Variants in TRAK1 observed in about 807,000 individuals in gnomAD.
TRAK1 encodes the protein trafficking kinesin protein 1, also known as trafficking kinesin-binding protein 1.
A neutral mutation model predicts 92.1 loss-of-function variants in TRAK1; 33 were observed. The ratio of observed to expected loss-of-function variants is 0.36; its 90% CI spans 0.27 to 0.48. The LOEUF (loss-of-function observed/expected upper bound fraction) is 0.48, where lower values mean the gene tolerates loss of function less well. Ranked by LOEUF, TRAK1 falls within the 20% of genes least tolerant of loss-of-function variation. TRAK1 has a pLI of 0.99. For missense variants in TRAK1, 1,123 were observed against 1,257.9 expected (o/e 0.89, Z 1.62); for synonymous variants, 521 against 517.3 (o/e 1.01, Z -0.10).
intron 2 of TRAK1, among the ~76,000 whole-genome samples, chr3:42,152,184 C>T (rs1346951752): frequency 7.9e-5 from 12 of 152,160 alleles, no homozygotes. Flanking sequence ...CTATTCAGCA[C>T]CCATCTCTGC....
At chr3:42,163,306 C>T (rs570748308) in intron 2 of TRAK1, among the ~76,000 whole-genome samples, 1 of 152,216 alleles carries the variant, frequency 6.6e-6, no homozygotes, top group Non-Finnish European at 1.5e-5. Flanking sequence ...CATGGTGGCT[C>T]ACACCTGTAA....
chr3:42,193,750 T>A, intron 8 of TRAK1, 74 bp from the exon 9 acceptor site: 1 of 1,431,896 alleles, frequency 7.0e-7, no homozygotes, highest in South Asian at 1.1e-5. Context: ...CATTACAGAT[T>A]AGGTTAATAA....
chr3:42,195,489 C>T (rs997104050), intron 10 of TRAK1, among the ~76,000 whole-genome samples: 11 of 152,166 alleles, frequency 7.2e-5, no homozygotes, highest in African/African-American at 2.7e-4. Context: ...GAGATAGGAG[C>T]GGATGGCTGC....
At chr3:42,167,987 A>G (rs1702081189) in intron 2 of TRAK1, among the ~76,000 whole-genome samples, 1 of 152,260 alleles carries the variant, frequency 6.6e-6, no homozygotes, top group Admixed American at 6.5e-5. Flanking sequence ...GAGGGTCAAC[A>G]GGCAAGTGAG....
At chr3:42,079,913 A>G (rs1313440204) in intron 1 of TRAK1, among the ~76,000 whole-genome samples, 1 of 152,112 alleles carries the variant, frequency 6.6e-6, no homozygotes, top group Admixed American at 6.5e-5. Context: ...TAGTTTCACA[A>G]TCATTGCACC....
intron 1 of TRAK1, among the ~76,000 whole-genome samples, chr3:42,048,948 A>C (rs1702870245): frequency 6.6e-6 from 1 of 152,124 alleles, no homozygotes; most frequent in African/African-American, 2.4e-5. Flanking sequence ...TCTGTTCCCC[A>C]CTATGTTGAG....
rs746412181 is a variant in TRAK1 at position 42,091,419 on chromosome 3, C to T, written c.-51C>T. On this transcript the variant is annotated 5_prime_UTR_variant, in exon 1 of 16. Coordinates refer to ENST00000327628, the MANE Select transcript of TRAK1 (RefSeq NM_001042646.3). ...CGAGGTACTGCCGGGGCTGAGCTCTCATGGAGGCTCTCTCTGTTCTCTGAA... is the reference window on the plus strand; with the variant it reads ...CGAGGTACTGCCGGGGCTGAGCTCTTATGGAGGCTCTCTCTGTTCTCTGAA... 1.3e-6 allele frequency: 2 copies of T among 1,567,412 alleles called. No homozygotes were observed. Among genetic ancestry groups the T allele is most frequent in the Admixed American group, 3.5e-5 (2 of 57,882 alleles).
intron 1 of TRAK1, among the ~76,000 whole-genome samples, chr3:42,066,446 C>T (rs1038067859): frequency 2.0e-5 from 3 of 150,134 alleles, no homozygotes; most frequent in Non-Finnish European, 4.5e-5. Context: ...AGAGAGAGAG[C>T]ACCCAGCGTG....
intron 2 of TRAK1, among the ~76,000 whole-genome samples, chr3:42,157,470 A>AAAAAAAAAAG (rs1700685569): frequency 7.2e-6 from 1 of 139,124 alleles, no homozygotes; most frequent in Non-Finnish European, 1.6e-5. Context: ...AAAAAAAAAA[A>AAAAAAAAAAG]AAAAAAAAAA....
chr3:42,204,796 G>T (rs943754751), intron 13 of TRAK1, among the ~76,000 whole-genome samples: 1 of 152,108 alleles, frequency 6.6e-6, no homozygotes, highest in Middle Eastern at 3.4e-3. Context: ...TGCCTAGGCC[G>T]GTCTTGAACC....
Position 42,223,649 on chromosome 3 carries a change from G to A in TRAK1, c.2774G>A (p.Gly925Glu). 5 of 1,614,134 alleles carry A rather than the reference G, an allele frequency of 3.1e-6. No homozygotes were observed. Among genetic ancestry groups the A allele is most frequent in the Non-Finnish European group, 4.2e-6 (5 of 1,180,024 alleles). The change falls in exon 16 of 16, where the codon GGA (glycine) becomes GAA (glutamate). Residue 925 changes from glycine to glutamate, a missense_variant. By Grantham distance (98) the Gly-to-Glu change is moderately conservative (BLOSUM62 -2). Transcript: ENST00000327628. The surrounding 1 kb of genome is among the most constrained non-coding windows in gnomAD (Gnocchi z 6.1). Reference sequence around the variant, plus strand: ...AATCGCAGCTTCCCCACCATGGTGGGATCTAGCATGCAGATGAAAGCTCCT... The same window carrying A: ...AATCGCAGCTTCCCCACCATGGTGGAATCTAGCATGCAGATGAAAGCTCCT... ...RRNRSFPTMV[G>E]SSMQMKAPVT...
Position 42,199,234 on chromosome 3 carries a change from G to A in TRAK1, c.1171G>A (p.Ala391Thr), listed in dbSNP as rs752108245. 20 of 1,613,916 alleles carry A rather than the reference G, an allele frequency of 1.2e-5. 1 individual carries two copies. In the South Asian group the frequency reaches 2.0e-4, roughly 16 times the overall value. ...TMRKELQLEE[A>T]ESPDITHQKR... Reference sequence around the variant, plus strand: ...GCGCAAGGAGCTGCAGTTGGAAGAGGCCGAGTCTCCAGACATCACGTACGG... The same window carrying A: ...GCGCAAGGAGCTGCAGTTGGAAGAGACCGAGTCTCCAGACATCACGTACGG... The change falls in exon 11 of 16, where the codon GCC (alanine) becomes ACC (threonine). Residue 391 changes from alanine (A) to threonine (T), a missense_variant. Transcript: ENST00000327628.
chr3:42,161,993 C>T (rs1035630257), intron 2 of TRAK1, among the ~76,000 whole-genome samples: 2 of 152,164 alleles, frequency 1.3e-5, no homozygotes, highest in East Asian at 1.9e-4. Context: ...GCCCTCATCA[C>T]CTGTGAGCTT....
chr3:42,042,306 G>T (rs369606102), intron 1 of TRAK1, among the ~76,000 whole-genome samples: 1 of 146,280 alleles, frequency 6.8e-6, no homozygotes, highest in East Asian at 2.0e-4. Context: ...TATTGAGATG[G>T]TCATATATGT....
chr3:42,173,650 C>T (rs900579125), intron 2 of TRAK1, among the ~76,000 whole-genome samples: 2 of 152,122 alleles, frequency 1.3e-5, no homozygotes, highest in African/African-American at 2.4e-5. Context: ...TATGGTCTTC[C>T]GTTTTAGTAC....
chr3:42,067,858 A>C (rs916419237), intron 1 of TRAK1, among the ~76,000 whole-genome samples: 1 of 152,064 alleles, frequency 6.6e-6, no homozygotes, highest in Non-Finnish European at 1.5e-5. Flanking sequence ...TTTTCAAAAA[A>C]TGTATTTATT....
chr3:42,157,153 A>G (rs979420594), intron 2 of TRAK1, among the ~76,000 whole-genome samples: 25 of 140,878 alleles, frequency 1.8e-4, no homozygotes, highest in African/African-American at 6.2e-4. Flanking sequence ...CTCTGTCTGG[A>G]AAAAAAAAAA....
intron 1 of TRAK1, among the ~76,000 whole-genome samples, chr3:42,064,160 C>T (rs1703573016): frequency 6.6e-6 from 1 of 152,100 alleles, no homozygotes; most frequent in South Asian, 2.1e-4. Flanking sequence ...TGATACATCA[C>T]AAAAATGCGA....
rs181614193 is a variant in TRAK1, at chr3:42,025,284, G to C, written c.-519+11167G>C. Reference sequence around the variant, plus strand: ...ACCTCAGACCCTGGCAACGAGGCACGCTGGGGCACGCTGGCCTTTCGTTGT... The same window carrying C: ...ACCTCAGACCCTGGCAACGAGGCACCCTGGGGCACGCTGGCCTTTCGTTGT... On this transcript the variant is annotated intron_variant, in intron 1 of 16. Transcript: ENST00000487159. 2.8e-4 allele frequency among the ~76,000 whole-genome samples: 42 copies of C among 152,272 alleles called. No individual in the cohort carries two copies. The East Asian group carries it at 8.1e-3, about 29-fold the overall frequency.
Sources: allele counts gnomAD v4.1 joint callset (sites outside exome capture counted in the v4.1 genomes callset), GRCh38; gene constraint gnomAD v4.1.1; non-coding constraint Gnocchi (gnomAD v3.1); transcripts MANE v1.5; gene names NCBI Gene and HGNC (gene_info 2026-07-23, HGNC 2026-07-21).